The following BIVM variants were observed in gnomAD, a reference collection of about 807,000 sequenced individuals.
BIVM encodes the protein basic, immunoglobulin-like variable motif containing, also known as basic immunoglobulin-like variable motif-containing protein.
In BIVM, 31 loss-of-function variants were observed where a neutral mutation model predicts 61.4. The ratio of observed to expected loss-of-function variants is 0.51; its 90% confidence interval spans 0.38 to 0.68. BIVM has a LOEUF of 0.68. Ranked by LOEUF, BIVM falls within the 30% of genes least tolerant of loss-of-function variation. The pLI is 0.00. For missense variants in BIVM, 526 were observed against 596.0 expected (o/e 0.88, Z 1.22); for synonymous variants, 189 against 210.7 (o/e 0.90, Z 0.89).
intron 9 of BIVM, among the ~76,000 whole-genome samples, chr13:102,835,981 A>C (rs1881444526): frequency 6.6e-6 from 1 of 152,158 alleles, no homozygotes; most frequent in African/African-American, 2.4e-5. Context: ...TGGCCAAATC[A>C]TTTCCTTTGT....
At chr13:102,825,107 T>C (rs1293272003) in intron 7 of BIVM, among the ~76,000 whole-genome samples, 5 of 152,170 alleles carry the variant, frequency 3.3e-5, no homozygotes, top group East Asian at 1.9e-4. Flanking sequence ...CATGCCCGGC[T>C]AATTTTTTGT....
At chr13:102,831,962 G>A (rs1021686583) in intron 8 of BIVM, among the ~76,000 whole-genome samples, 5 of 145,956 alleles carry the variant, frequency 3.4e-5, no homozygotes, top group Admixed American at 1.4e-4. Context: ...GGAGAATGGC[G>A]TGAACCCGGG....
chr13:102,821,365 G>A (rs1371920273), intron 5 of BIVM, among the ~76,000 whole-genome samples: 4 of 152,104 alleles, frequency 2.6e-5, no homozygotes, highest in Non-Finnish European at 4.4e-5. Flanking sequence ...AGGCCAAGGC[G>A]GGAGTATTGC....
intron 8 of BIVM, 114 bp downstream of exon 8, chr13:102,831,811 C>T (rs1212689633): frequency 5.2e-5 from 60 of 1,162,534 alleles, no homozygotes; most frequent in Non-Finnish European, 6.5e-5. Flanking sequence ...GGGCGGATCA[C>T]GAGGTCAGAA....
chr13:102,829,878 C>T (rs1880948152), intron 7 of BIVM, among the ~76,000 whole-genome samples: 1 of 152,020 alleles, frequency 6.6e-6, no homozygotes, highest in Non-Finnish European at 1.5e-5. Flanking sequence ...TAAATAAATG[C>T]TGTATTTACT....
chr13:102,827,859 T>A (rs899863962), intron 7 of BIVM, among the ~76,000 whole-genome samples: 1 of 152,182 alleles, frequency 6.6e-6, no homozygotes, highest in African/African-American at 2.4e-5. Flanking sequence ...AAAGCAGACG[T>A]CTCTTCCGTT....
At chr13:102,810,151 A>T (rs1879401733) in intron 3 of BIVM, among the ~76,000 whole-genome samples, 1 of 152,200 alleles carries the variant, frequency 6.6e-6, no homozygotes, top group African/African-American at 2.4e-5. Context: ...GTCCCTGGAA[A>T]CCACAATTTT....
chr13:102,802,163 G>A (rs1878789153), intron 1 of BIVM, among the ~76,000 whole-genome samples: 1 of 152,194 alleles, frequency 6.6e-6, no homozygotes, highest in African/African-American at 2.4e-5. Flanking sequence ...TATAAATAGA[G>A]AAACAAAAGG....
At chr13:102,836,754 T>C (rs959805103) in intron 9 of BIVM, among the ~76,000 whole-genome samples, 2 of 152,228 alleles carry the variant, frequency 1.3e-5, no homozygotes, top group Admixed American at 6.5e-5. Flanking sequence ...TGCTGAAAAC[T>C]GTATGTGTGG....
At chr13:102,811,541 G>A (rs1370450597) in intron 3 of BIVM, among the ~76,000 whole-genome samples, 1 of 152,090 alleles carries the variant, frequency 6.6e-6, no homozygotes, top group Admixed American at 6.5e-5. Flanking sequence ...TTTTTTATTT[G>A]ATACGGAGTT....
chr13:102,807,499 C>G lies in BIVM; in HGVS notation c.232C>G (p.Gln78Glu). 1 of 1,614,204 alleles carries G rather than the reference C, an allele frequency of 6.2e-7. No homozygotes were observed. The highest frequency in any genetic ancestry group is 8.5e-7 in the Non-Finnish European group (1 of 1,180,046). Residue 78 changes from glutamine to glutamate, a missense_variant, in exon 3 of 11, where the codon CAG becomes GAG. Gln to Glu is a conservative substitution (Grantham distance 29). Around this residue, in one of 3 missense-constraint regions of BIVM, gnomAD observed 312 missense variants for 343.8 expected, o/e 0.91. Coordinates refer to ENST00000257336, the MANE Select transcript of BIVM (RefSeq NM_017693.4). This position sits in a 1 kb window ranked among gnomAD's most constrained non-coding sequence, Gnocchi z 4.0. ...CTGTTCGGACTATGCCTTTCTCAAC[C>G]AGGCGACCTCAATCTATAAAACTCC... is the stretch of plus-strand genomic sequence containing the variant. ...AICSDYAFLN[Q>E]ATSIYKTPNP...
At chr13:102,811,557 C>A (rs1423587741) in intron 3 of BIVM, among the ~76,000 whole-genome samples, 1 of 152,146 alleles carries the variant, frequency 6.6e-6, no homozygotes, top group East Asian at 1.9e-4. Context: ...GAGTTTTGTT[C>A]TTGTTGCCCA....
chr13:102,815,692 C>T (rs1401154474), intron 3 of BIVM, among the ~76,000 whole-genome samples: 2 of 152,260 alleles, frequency 1.3e-5, no homozygotes, highest in East Asian at 3.9e-4. Context: ...TTGTCTAGCT[C>T]CCAATTCTCC....
chr13:102,804,174 T>C (rs550374500), intron 1 of BIVM, among the ~76,000 whole-genome samples: 13 of 152,320 alleles, frequency 8.5e-5, no homozygotes, highest in African/African-American at 3.1e-4. Context: ...CGAGACAAGA[T>C]GGAGTGCAGG....
chr13:102,816,825 T>G (rs1008830672), intron 4 of BIVM: 2 of 187,100 alleles, frequency 1.1e-5, no homozygotes, highest in Non-Finnish European at 2.2e-5. Context: ...TGATTAACCT[T>G]TTGATGTAGT....
At chr13:102,800,126 G>C (rs550061736) in intron 1 of BIVM, among the ~76,000 whole-genome samples, 1 of 152,222 alleles carries the variant, frequency 6.6e-6, no homozygotes, top group African/African-American at 2.4e-5. Context: ...TCGGCGCCAG[G>C]AAAGGGGGTT....
chr13:102,802,217 G>A (rs889365851), intron 1 of BIVM, among the ~76,000 whole-genome samples: 1 of 152,222 alleles, frequency 6.6e-6, no homozygotes, highest in African/African-American at 2.4e-5. Context: ...AGCCTATTAA[G>A]TGGAGGGACA....
intron 2 of BIVM, among the ~76,000 whole-genome samples, 157 bp from the exon 3 acceptor site, chr13:102,806,989 A>T (rs1414447123): frequency 6.6e-6 from 1 of 152,226 alleles, no homozygotes; most frequent in Non-Finnish European, 1.5e-5. Context: ...ATTTTAGACT[A>T]ATTTAAAAAA....
At chr13:102,838,600 G>A in intron 9 of BIVM, 43 bp from the exon 10 acceptor site, 1 of 1,539,428 alleles carries the variant, frequency 6.5e-7, no homozygotes, top group African/African-American at 1.4e-5. Flanking sequence ...TGATACTTTA[G>A]ACCTAAAGAA....
Sources: allele counts gnomAD v4.1 joint callset (sites outside exome capture counted in the v4.1 genomes callset), GRCh38; gene constraint gnomAD v4.1.1; regional missense constraint gnomAD v4.1.1; non-coding constraint Gnocchi (gnomAD v3.1); transcripts MANE v1.5; gene names NCBI Gene and HGNC (gene_info 2026-07-23, HGNC 2026-07-21).